Variants in MAPK8 observed in about 807,000 individuals in gnomAD.
The protein encoded by MAPK8 is mitogen-activated protein kinase 8, also known as JUN N-terminal kinase.
A neutral mutation model predicts 52.9 loss-of-function variants in MAPK8; 13 were observed. The ratio of observed to expected loss-of-function variants is 0.25; its 90% CI spans 0.16 to 0.39. MAPK8 has a LOEUF of 0.39. Among genes scored for constraint, MAPK8 ranks in the 10% least tolerant of loss-of-function variants. The pLI is 1.00. For missense variants in MAPK8, 300 were observed against 519.2 expected (o/e 0.58, Z 4.10); for synonymous variants, 191 against 169.8 (o/e 1.12, Z -0.97).
At chr10:48,372,376 G>C (rs1032207109) in intron 1 of MAPK8, among the ~76,000 whole-genome samples, 1 of 152,122 alleles carries the variant, frequency 6.6e-6, no homozygotes, top group African/African-American at 2.4e-5. Flanking sequence ...GAATGAGTTT[G>C]ACGGATTGAC....
At chr10:48,321,610 C>A (rs1843004492) in intron 1 of MAPK8, among the ~76,000 whole-genome samples, 1 of 152,126 alleles carries the variant, frequency 6.6e-6, no homozygotes, top group Non-Finnish European at 1.5e-5. Flanking sequence ...AAGACAACTT[C>A]TGCATTTTCT....
rs566320055 is a variant in MAPK8, at chr10:48,436,636, A to T, written c.*1607A>T. On this transcript the variant is annotated 3_prime_UTR_variant, in exon 12 of 12. Transcript: ENST00000374189. Reference sequence around the variant, plus strand: ...TGTCTGAAAATTTGCTTGGCATTTTATTCATATATTTAGTGCAAAATTATT... The same window carrying T: ...TGTCTGAAAATTTGCTTGGCATTTTTTTCATATATTTAGTGCAAAATTATT... The T allele has an allele frequency of 8.5e-5, 13 of 152,356 alleles. No individual in the cohort carries two copies. The highest frequency in any genetic ancestry group is 2.4e-4 in the African/African-American group (10 of 41,592). The allele number at this position is 152,356 out of a possible 1,614,324, so 9.4% of individuals were successfully genotyped here. A position where few individuals can be genotyped will look rare whatever the true frequency, so the allele number is the denominator to read the frequency against.
At chr10:48,401,073 G>A (rs1413798399) in intron 1 of MAPK8, among the ~76,000 whole-genome samples, 2 of 152,182 alleles carry the variant, frequency 1.3e-5, no homozygotes, top group Admixed American at 1.3e-4. Flanking sequence ...GCAGGTCAGA[G>A]GATCTGTCAC....
Position 48,436,272 on chromosome 10 carries a change from A to G in MAPK8, c.*1243A>G, listed in dbSNP as rs552488850. The G allele has an allele frequency of 6.6e-6, 1 of 152,192 alleles. No individual in the cohort carries two copies. Among genetic ancestry groups the G allele is most frequent in the Non-Finnish European group, 1.5e-5 (1 of 68,018 alleles). 9.4% of individuals were successfully genotyped at this position (152,192 alleles called of 1,614,324 possible). On this transcript the variant is annotated 3_prime_UTR_variant, in exon 12 of 12. Transcript: ENST00000374189. ...TTTAGTCTAAGTCTTTTATTTTTTTATACCTGATTTTCAACATAACACGCA... is the reference window on the plus strand; with the variant it reads ...TTTAGTCTAAGTCTTTTATTTTTTTGTACCTGATTTTCAACATAACACGCA...
rs1269420287 is a variant in MAPK8 at position 48,404,912 on chromosome 10, T to C, written c.183T>C (p.Phe61=). The part of the protein sequence containing the change: ...NVAIKKLSRP[F]QNQTHAKRAY... ...CAATCAAGAAGCTAAGCCGACCATT[T>C]CAGAATCAGACTCATGCCAAGCGGG... The change falls in exon 3 of 12, where the codon TTT becomes TTC. Residue 61 remains phenylalanine, a synonymous_variant. Transcript: ENST00000374189. 1 of 1,610,876 alleles carries C rather than the reference T, an allele frequency of 6.2e-7. No individual in the cohort carries two copies. Among genetic ancestry groups the C allele is most frequent in the Non-Finnish European group, 8.5e-7 (1 of 1,177,798 alleles).
chr10:48,398,145 A>G (rs2041981964), intron 1 of MAPK8, among the ~76,000 whole-genome samples: 1 of 152,182 alleles, frequency 6.6e-6, no homozygotes, highest in South Asian at 2.1e-4. Context: ...TGAGTCTGAA[A>G]TTATTTCAAA....
At chr10:48,341,105 GC>G (rs1294935396) in intron 1 of MAPK8, among the ~76,000 whole-genome samples, 1 of 152,246 alleles carries the variant, frequency 6.6e-6, no homozygotes, top group Non-Finnish European at 1.5e-5. Flanking sequence ...CATGTTAGAA[GC>G]AGAAGTTATA....
chr10:48,414,072 G>T (rs2042929988), intron 5 of MAPK8, among the ~76,000 whole-genome samples: 1 of 151,302 alleles, frequency 6.6e-6, no homozygotes, highest in East Asian at 1.9e-4. Context: ...CCATTCTTCT[G>T]TGTTCCTTTC....
chr10:48,372,185 A>C (rs186103746), intron 1 of MAPK8, among the ~76,000 whole-genome samples: 3 of 152,182 alleles, frequency 2.0e-5, no homozygotes, highest in Admixed American at 2.0e-4. Context: ...GAAAGTTTCA[A>C]CCCTCTAATT....
intron 3 of MAPK8, 46 bp downstream of exon 3, chr10:48,405,027 T>G (rs767729586): frequency 2.1e-5 from 29 of 1,374,714 alleles, no homozygotes; most frequent in Admixed American, 4.3e-5. Flanking sequence ...AAATCAAGAT[T>G]TATTCATGAA....
At chr10:48,340,826 C>G (rs1845181504) in intron 1 of MAPK8, among the ~76,000 whole-genome samples, 1 of 152,240 alleles carries the variant, frequency 6.6e-6, no homozygotes, top group Non-Finnish European at 1.5e-5. Flanking sequence ...GAATCTCTCT[C>G]TTCTCTCTAT....
At chr10:48,331,717 G>A (rs992396206) in intron 1 of MAPK8, among the ~76,000 whole-genome samples, 1 of 152,202 alleles carries the variant, frequency 6.6e-6, no homozygotes, top group Non-Finnish European at 1.5e-5. Context: ...AGGGATGACA[G>A]GGTGGAGGAT....
intron 1 of MAPK8, among the ~76,000 whole-genome samples, chr10:48,354,243 A>G (rs1333248000): frequency 1.3e-5 from 2 of 152,244 alleles, no homozygotes; most frequent in Non-Finnish European, 2.9e-5. Flanking sequence ...GGGAAGGTAC[A>G]GGATGTCTGG....
chr10:48,367,249 C>G (rs1848134156), intron 1 of MAPK8, among the ~76,000 whole-genome samples: 1 of 152,010 alleles, frequency 6.6e-6, no homozygotes, highest in Non-Finnish European at 1.5e-5. Flanking sequence ...GCCTGTAGTC[C>G]TAGCTATTCA....
chr10:48,424,240 T>C, intron 7 of MAPK8, 81 bp downstream of exon 7: 1 of 1,263,582 alleles, frequency 7.9e-7, no homozygotes, highest in South Asian at 1.3e-5. Context: ...ATATGCTACA[T>C]TTACACAGAT....
At position 48,350,565 on chromosome 10, in the gene MAPK8, A is replaced by G. The variant is rs548636103; in HGVS notation, c.-50+43744A>G. Reference sequence around the variant, plus strand: ...CAGAAAAGGCCTTTGACAAAATTCAATAGCCCCTCATGCTAAAAACTCAAC... The same window carrying G: ...CAGAAAAGGCCTTTGACAAAATTCAGTAGCCCCTCATGCTAAAAACTCAAC... On this transcript the variant is annotated intron_variant, in intron 1 of 11. Coordinates refer to ENST00000374189, the MANE Select transcript of MAPK8 (RefSeq NM_001323329.2). Among the ~76,000 whole-genome samples, 132 of 152,358 alleles carry G rather than the reference A, an allele frequency of 8.7e-4. 2 individuals are homozygous for G. Among genetic ancestry groups the G allele is most frequent in the Admixed American group, 2.3e-3 (35 of 15,302 alleles).
chr10:48,319,606 C>T (rs1190137868), intron 1 of MAPK8, among the ~76,000 whole-genome samples: 2 of 152,120 alleles, frequency 1.3e-5, no homozygotes, highest in African/African-American at 4.8e-5. Context: ...TCTCCTGCCT[C>T]AGCCTCCCGA....
At position 48,413,814 on chromosome 10, in the gene MAPK8, G is replaced by GTT. The variant is rs1337892780; in HGVS notation, c.450+3647_450+3648dup. Among the ~76,000 whole-genome samples the GTT allele has an allele frequency of 4.9e-3, 153 of 31,112 alleles. 1 individual carries two copies. Among genetic ancestry groups the GTT allele is most frequent in the African/African-American group, 0.018 (141 of 8,010 alleles). 20.4% of individuals were successfully genotyped at this position (31,112 alleles called of 152,430 possible). On this transcript the variant is annotated intron_variant, in intron 5 of 11. Transcript: ENST00000374189. ...CCAAAATTGAGTATTTGCCAGAATT[G>GTT]TTATATATATATATATATATATATA...
At chr10:48,382,809 T>TTA (rs1246846986) in intron 1 of MAPK8, among the ~76,000 whole-genome samples, 2 of 147,190 alleles carry the variant, frequency 1.4e-5, no homozygotes, top group Admixed American at 6.8e-5. Context: ...ATAATATATA[T>TTA]TATATATATG....
Sources: gnomAD v4.1 joint callset for allele counts (sites outside exome capture counted in the v4.1 genomes callset) on GRCh38, gnomAD v4.1.1 for gene constraint, MANE v1.5 for transcripts, NCBI Gene and HGNC (gene_info 2026-07-23, HGNC 2026-07-21) for gene names.